The following LRP1B variants were observed in gnomAD, a reference collection of about 807,000 sequenced individuals.
LRP1B encodes LDL receptor related protein 1B.
A neutral mutation model predicts 556.6 loss-of-function variants in LRP1B; 217 were observed. The ratio of observed to expected loss-of-function variants is 0.39; its 90% CI spans 0.35 to 0.44. The LOEUF (loss-of-function observed/expected upper bound fraction) is 0.44. Among genes scored for constraint, LRP1B ranks in the 20% least tolerant of loss-of-function variants. The pLI is 1.00. For synonymous variants in LRP1B, 2,047 were observed against 1,865.8 expected (o/e 1.10, Z -2.50); for missense variants, 5,053 against 5,620.8 (o/e 0.90, Z 3.23).
chr2:142,004,311 C>T (rs1032143116), intron 1 of LRP1B, among the ~76,000 whole-genome samples: 12 of 151,844 alleles, frequency 7.9e-5, no homozygotes, highest in Non-Finnish European at 1.3e-4. Flanking sequence ...AATGTCATTG[C>T]CAAAGATGGG....
chr2:140,965,669 T>G (rs993050008), intron 18 of LRP1B, among the ~76,000 whole-genome samples: 2 of 152,180 alleles, frequency 1.3e-5, no homozygotes, highest in African/African-American at 4.8e-5. Flanking sequence ...ACTCGTCATT[T>G]ACATTAGGTA....
At chr2:141,000,061 T>C (rs1351748909) in intron 15 of LRP1B, among the ~76,000 whole-genome samples, 1 of 151,640 alleles carries the variant, frequency 6.6e-6, no homozygotes, top group Non-Finnish European at 1.5e-5. Context: ...TCTACAAGCG[T>C]GCACCACCAT....
intron 7 of LRP1B, among the ~76,000 whole-genome samples, chr2:141,122,101 C>A (rs1701067586): frequency 6.6e-6 from 1 of 152,090 alleles, no homozygotes; most frequent in Non-Finnish European, 1.5e-5. Flanking sequence ...AAAATTAATT[C>A]AAGATGGATT....
At chr2:141,765,320 T>TA (rs1217903569) in intron 2 of LRP1B, among the ~76,000 whole-genome samples, 1 of 152,226 alleles carries the variant, frequency 6.6e-6, no homozygotes, top group African/African-American at 2.4e-5. Flanking sequence ...CTTCTGAATA[T>TA]TTTATGTTCT....
chr2:141,368,844 G>A (rs1306403556), intron 3 of LRP1B, among the ~76,000 whole-genome samples: 1 of 151,974 alleles, frequency 6.6e-6, no homozygotes, highest in Non-Finnish European at 1.5e-5. Context: ...TTAACACACA[G>A]GTGCATAGTA....
intron 2 of LRP1B, among the ~76,000 whole-genome samples, chr2:141,773,671 G>A (rs1471377682): frequency 6.6e-6 from 1 of 152,216 alleles, no homozygotes; most frequent in Admixed American, 6.5e-5. Context: ...GTCTGCTCAA[G>A]TTATCAGCCA....
intron 41 of LRP1B, among the ~76,000 whole-genome samples, chr2:140,682,830 A>G (rs1293987814): frequency 2.0e-5 from 3 of 152,168 alleles, no homozygotes; most frequent in African/African-American, 7.2e-5. Context: ...TGGCCCAACC[A>G]ATACACTGCA....
intron 43 of LRP1B, among the ~76,000 whole-genome samples, chr2:140,579,844 A>C (rs1681691012): frequency 6.6e-6 from 1 of 152,210 alleles, no homozygotes; most frequent in Non-Finnish European, 1.5e-5. Context: ...TCCATCTCAA[A>C]AAATAATAAT....
intron 2 of LRP1B, among the ~76,000 whole-genome samples, chr2:141,655,267 T>C (rs935820832): frequency 4.6e-5 from 7 of 152,194 alleles, no homozygotes; most frequent in African/African-American, 1.7e-4. Context: ...AAATAAAACC[T>C]GACTTTCACA....
intron 2 of LRP1B, among the ~76,000 whole-genome samples, chr2:141,736,060 G>A (rs1213211500): frequency 6.6e-6 from 1 of 152,130 alleles, no homozygotes; most frequent in Non-Finnish European, 1.5e-5. Context: ...GAGACACTGG[G>A]AACAATTCTC....
intron 1 of LRP1B, among the ~76,000 whole-genome samples, chr2:141,821,124 G>A (rs1230389709): frequency 6.6e-6 from 1 of 152,198 alleles, no homozygotes; most frequent in African/African-American, 2.4e-5. Context: ...GAAGGACAGG[G>A]AAATGGATCA....
chr2:141,685,060 A>G (rs1162758806), intron 2 of LRP1B, among the ~76,000 whole-genome samples: 3 of 152,118 alleles, frequency 2.0e-5, no homozygotes, highest in Non-Finnish European at 4.4e-5. Flanking sequence ...TCTACAAAGT[A>G]ATATAGCTAA....
chr2:141,951,992 C>G (rs1006059739), intron 1 of LRP1B, among the ~76,000 whole-genome samples: 1 of 110,270 alleles, frequency 9.1e-6, no homozygotes, highest in African/African-American at 3.5e-5. Context: ...ATCCCTCCCC[C>G]CTCCCCTCTC....
intron 31 of LRP1B, among the ~76,000 whole-genome samples, chr2:140,824,501 G>T (rs942370757): frequency 6.6e-6 from 1 of 152,016 alleles, no homozygotes; most frequent in Non-Finnish European, 1.5e-5. Flanking sequence ...GAGCCCAGTG[G>T]CCACAGGGTT....
intron 41 of LRP1B, among the ~76,000 whole-genome samples, chr2:140,657,403 C>A (rs968812715): frequency 7.3e-5 from 11 of 151,474 alleles, no homozygotes; most frequent in African/African-American, 2.4e-4. Flanking sequence ...CAGAGTAAAT[C>A]TTTAGATATA....
chr2:141,839,695 A>G (rs1399880608), intron 1 of LRP1B, among the ~76,000 whole-genome samples: 7 of 152,170 alleles, frequency 4.6e-5, no homozygotes, highest in African/African-American at 1.7e-4. Flanking sequence ...AAGAAAATCT[A>G]TCTGATACTG....
intron 87 of LRP1B, among the ~76,000 whole-genome samples, chr2:140,241,328 G>A (rs1323300651): frequency 6.6e-6 from 1 of 150,610 alleles, no homozygotes; most frequent in Non-Finnish European, 1.5e-5. Context: ...GACTTCAACT[G>A]CTTGATCATG....
intron 2 of LRP1B, among the ~76,000 whole-genome samples, chr2:141,641,239 G>C (rs1484398899): frequency 1.3e-5 from 2 of 152,098 alleles, no homozygotes; most frequent in Non-Finnish European, 2.9e-5. Context: ...TGCCAGCAAT[G>C]ATAATTGCAT....
intron 3 of LRP1B, among the ~76,000 whole-genome samples, chr2:141,400,159 T>A (rs538220002): frequency 1.3e-5 from 2 of 152,024 alleles, no homozygotes; most frequent in Admixed American, 6.5e-5. Context: ...TAAAAAAAAA[T>A]TGTAGAAACA....
Sources: gnomAD v4.1 joint callset for allele counts (sites outside exome capture counted in the v4.1 genomes callset) on GRCh38, gnomAD v4.1.1 for gene constraint, MANE v1.5 for transcripts, NCBI Gene and HGNC (gene_info 2026-07-23, HGNC 2026-07-21) for gene names.